Variants in BMAL1 observed in about 807,000 individuals in gnomAD.
BMAL1 encodes basic helix-loop-helix ARNT like 1, also known as basic helix-loop-helix ARNT-like protein 1.
chr11:13,358,044 G>C, the BMAL1 span, among the ~76,000 whole-genome samples: 1 of 152,226 alleles, frequency 6.6e-6, no homozygotes, highest in Non-Finnish European at 1.5e-5. Context: ...CTCAGGGACA[G>C]CCCACGGGGC....
the BMAL1 span, among the ~76,000 whole-genome samples, chr11:13,289,899 G>A: frequency 6.6e-6 from 1 of 152,230 alleles, no homozygotes; most frequent in Non-Finnish European, 1.5e-5. Context: ...TATATACCCA[G>A]TAATGGGATC....
the BMAL1 span, among the ~76,000 whole-genome samples, chr11:13,383,917 T>C: frequency 9.9e-5 from 15 of 152,230 alleles, no homozygotes; most frequent in African/African-American, 3.4e-4. Context: ...ATTACTTTTA[T>C]AAAATTCTCA....
At chr11:13,282,165 G>T in the BMAL1 span, among the ~76,000 whole-genome samples, 1 of 152,186 alleles carries the variant, frequency 6.6e-6, no homozygotes, top group Admixed American at 6.5e-5. Flanking sequence ...AGGCAGTTTG[G>T]TTGGGTAGTT....
At chr11:13,289,841 A>G in the BMAL1 span, among the ~76,000 whole-genome samples, 3 of 152,376 alleles carry the variant, frequency 2.0e-5, no homozygotes, top group East Asian at 3.9e-4. Flanking sequence ...CACAATAAAC[A>G]TACATATGCA....
the BMAL1 span, among the ~76,000 whole-genome samples, chr11:13,383,738 C>A: frequency 6.6e-6 from 1 of 152,102 alleles, no homozygotes; most frequent in East Asian, 1.9e-4. Flanking sequence ...GTAATCCCAG[C>A]TACTCCGGGG....
the BMAL1 span, among the ~76,000 whole-genome samples, chr11:13,341,506 C>T: frequency 2.0e-5 from 3 of 152,372 alleles, no homozygotes; most frequent in Admixed American, 2.0e-4. Flanking sequence ...GTCTTGTTGG[C>T]ATCCCCTAAG....
the BMAL1 span, among the ~76,000 whole-genome samples, chr11:13,377,047 T>A: frequency 6.6e-6 from 1 of 152,180 alleles, no homozygotes; most frequent in Non-Finnish European, 1.5e-5. Flanking sequence ...AAGTGCTCTT[T>A]CGTGACTGTC....
chr11:13,324,991 G>T, the BMAL1 span, among the ~76,000 whole-genome samples: 1 of 152,212 alleles, frequency 6.6e-6, no homozygotes, highest in African/African-American at 2.4e-5. Flanking sequence ...GGAAATTGAT[G>T]CTGAGTGTTG....
chr11:13,301,725 GGTCATAGTA>G, the BMAL1 span, among the ~76,000 whole-genome samples: 1 of 152,176 alleles, frequency 6.6e-6, no homozygotes. Context: ...CTGTAGTAAT[GGTCATAGTA>G]GCACTTTATG....
At chr11:13,356,009 C>T in the BMAL1 span, among the ~76,000 whole-genome samples, 1 of 152,154 alleles carries the variant, frequency 6.6e-6, no homozygotes, top group Admixed American at 6.5e-5. Flanking sequence ...TTTGGAACTC[C>T]TTCCTCTGGG....
chr11:13,379,512 C>A, the BMAL1 span: 24,066 of 152,172 alleles, frequency 0.16, 2,092 homozygotes, highest in Admixed American at 0.24. Flanking sequence ...CAGGTTCAAA[C>A]CCTATACTTT....
At chr11:13,359,741 C>T in the BMAL1 span, among the ~76,000 whole-genome samples, 2 of 152,174 alleles carry the variant, frequency 1.3e-5, no homozygotes, top group African/African-American at 4.8e-5. Flanking sequence ...CTGAAAAATG[C>T]CAGATTGACA....
At chr11:13,329,076 C>T in the BMAL1 span, among the ~76,000 whole-genome samples, 56 of 152,112 alleles carry the variant, frequency 3.7e-4, no homozygotes, top group Non-Finnish European at 8.8e-5. Flanking sequence ...CAGTCAAGAG[C>T]AAGACAGAGA....
chr11:13,328,792 A>G, the BMAL1 span, among the ~76,000 whole-genome samples: 6 of 152,278 alleles, frequency 3.9e-5, no homozygotes, highest in African/African-American at 1.2e-4. Context: ...ACTCATTACA[A>G]AGGGAGGATC....
chr11:13,306,811 T>C, the BMAL1 span, among the ~76,000 whole-genome samples: 2 of 152,250 alleles, frequency 1.3e-5, no homozygotes, highest in Non-Finnish European at 2.9e-5. Context: ...GAAGAAGTTC[T>C]GGAATGCGAG....
At chr11:13,297,070 T>C in the BMAL1 span, among the ~76,000 whole-genome samples, 1 of 152,172 alleles carries the variant, frequency 6.6e-6, no homozygotes, top group East Asian at 1.9e-4. Context: ...CACAGCGTGG[T>C]AAAGTACATC....
At chr11:13,376,415 G>C in the BMAL1 span, 2 of 570,574 alleles carry the variant, frequency 3.5e-6, no homozygotes, top group East Asian at 3.1e-5. Flanking sequence ...CTGCTGAACT[G>C]TGTCCCACAC....
At chr11:13,354,192 C>T in the BMAL1 span, 2 of 603,342 alleles carry the variant, frequency 3.3e-6, no homozygotes, top group African/African-American at 2.0e-5. Flanking sequence ...CCCGGGTCTC[C>T]CCCCCCGGCC....
At chr11:13,329,615 T>A in the BMAL1 span, among the ~76,000 whole-genome samples, 1 of 152,232 alleles carries the variant, frequency 6.6e-6, no homozygotes, top group Non-Finnish European at 1.5e-5. Context: ...TCAGCGAGAA[T>A]GTGGCACACT....
Sources: gnomAD v4.1 joint callset for allele counts (sites outside exome capture counted in the v4.1 genomes callset) on GRCh38, gnomAD v4.1.1 for gene constraint, MANE v1.5 for transcripts, NCBI Gene and HGNC (gene_info 2026-07-23, HGNC 2026-07-21) for gene names.